The following LRRFIP1 variants were observed in gnomAD, a reference collection of about 807,000 sequenced individuals.
The protein encoded by LRRFIP1 is leucine-rich repeat flightless-interacting protein 1.
LRRFIP1 carries 62 observed loss-of-function variants against 104.4 expected under a neutral mutation model. That is an observed-to-expected ratio of 0.59 (90% CI 0.48 to 0.73). LRRFIP1 has a LOEUF of 0.73. LRRFIP1 is among the 30% of genes least tolerant of loss of function. The pLI is 0.00. For missense variants in LRRFIP1, 796 were observed against 824.5 expected, an observed-to-expected ratio of 0.97 and a Z score of 0.42; for synonymous variants, 300 against 299.0, an observed-to-expected ratio of 1.00 and a Z score of -0.03.
At chr2:237,720,605 G>T (rs948643138) in intron 5 of LRRFIP1, among the ~76,000 whole-genome samples, 167 bp from the exon 6 acceptor site, 1 of 152,208 alleles carries the variant, frequency 6.6e-6, no homozygotes, top group Non-Finnish European at 1.5e-5. Context: ...CAAAGCCCAT[G>T]CTGTGGAGGA....
At chr2:237,656,211 C>T (rs1447346536) in intron 1 of LRRFIP1, among the ~76,000 whole-genome samples, 1 of 152,076 alleles carries the variant, frequency 6.6e-6, no homozygotes, top group Non-Finnish European at 1.5e-5. Context: ...ATTGTCTAGG[C>T]AAATCAGTGC....
At chr2:237,704,319 A>C (rs2093698162) in intron 1 of LRRFIP1, among the ~76,000 whole-genome samples, 2 of 151,450 alleles carry the variant, frequency 1.3e-5, no homozygotes, top group Admixed American at 6.6e-5. Flanking sequence ...CGCCCAGCTA[A>C]TTTTTTGTAT....
chr2:237,701,330 G>A (rs1022054709), intron 1 of LRRFIP1, among the ~76,000 whole-genome samples: 2 of 152,228 alleles, frequency 1.3e-5, no homozygotes, highest in Non-Finnish European at 2.9e-5. Context: ...TGGAATTGGG[G>A]TTCAGGGTGT....
chr2:237,700,582 A>G (rs2093462060), intron 1 of LRRFIP1, among the ~76,000 whole-genome samples: 1 of 152,248 alleles, frequency 6.6e-6, no homozygotes, highest in Non-Finnish European at 1.5e-5. Flanking sequence ...TCCTGTTTGC[A>G]GAGTGCTTTA....
At chr2:237,727,343 G>A (rs1306558716) in intron 7 of LRRFIP1, among the ~76,000 whole-genome samples, 1 of 145,550 alleles carries the variant, frequency 6.9e-6, no homozygotes, top group South Asian at 2.2e-4. Flanking sequence ...GCGACAGAGC[G>A]AGACTCTGTC....
intron 14 of LRRFIP1, among the ~76,000 whole-genome samples, chr2:237,752,545 C>A (rs1331196912): frequency 5.9e-5 from 9 of 152,250 alleles, no homozygotes; most frequent in Non-Finnish European, 1.5e-5. Flanking sequence ...TCTGCTGCAC[C>A]TGAACTGGCA....
chr2:237,752,047 A>G (rs1576255209), intron 14 of LRRFIP1, among the ~76,000 whole-genome samples: 1 of 152,220 alleles, frequency 6.6e-6, no homozygotes, highest in Non-Finnish European at 1.5e-5. Flanking sequence ...CTAATTCACT[A>G]TCTTCATATC....
intron 1 of LRRFIP1, among the ~76,000 whole-genome samples, chr2:237,686,245 C>T (rs564326481): frequency 6.6e-6 from 1 of 152,256 alleles, no homozygotes; most frequent in East Asian, 1.9e-4. Context: ...AATAATCAAA[C>T]CCATCACCTT....
At chr2:237,700,836 G>A (rs988228445) in intron 1 of LRRFIP1, among the ~76,000 whole-genome samples, 63 of 152,184 alleles carry the variant, frequency 4.1e-4, no homozygotes, top group African/African-American at 1.4e-3. Flanking sequence ...TGGTTCACAT[G>A]CGGTGCTTTC....
intron 4 of LRRFIP1, among the ~76,000 whole-genome samples, chr2:237,718,118 C>G (rs2094409912): frequency 6.6e-6 from 1 of 152,236 alleles, no homozygotes; most frequent in Non-Finnish European, 1.5e-5. Flanking sequence ...TCTCCTCGAG[C>G]ACAGGGCTCT....
intron 1 of LRRFIP1, among the ~76,000 whole-genome samples, chr2:237,628,837 C>T (rs1033505219): frequency 6.6e-6 from 1 of 152,168 alleles, no homozygotes; most frequent in Non-Finnish European, 1.5e-5. Flanking sequence ...TTTGCTCTTA[C>T]GGACATGTGG....
At chr2:237,660,923 C>T (rs1466002474) in intron 1 of LRRFIP1, among the ~76,000 whole-genome samples, 1 of 152,140 alleles carries the variant, frequency 6.6e-6, no homozygotes, top group Admixed American at 6.5e-5. Context: ...CGTCGGGACA[C>T]CTGACCACCT....
At chr2:237,706,897 G>A (rs913676935) in intron 1 of LRRFIP1, among the ~76,000 whole-genome samples, 1 of 152,200 alleles carries the variant, frequency 6.6e-6, no homozygotes, top group Non-Finnish European at 1.5e-5. Context: ...CCAAAGTGCT[G>A]GGATTCCAGG....
At chr2:237,736,899 T>C (rs1274577050) in intron 10 of LRRFIP1, among the ~76,000 whole-genome samples, 1 of 152,146 alleles carries the variant, frequency 6.6e-6, no homozygotes, top group African/African-American at 2.4e-5. Context: ...GGATACTCCG[T>C]TCCTTATGTT....
At chr2:237,634,423 G>A (rs1292003231) in intron 1 of LRRFIP1, among the ~76,000 whole-genome samples, 1 of 152,156 alleles carries the variant, frequency 6.6e-6, no homozygotes, top group Admixed American at 6.5e-5. Flanking sequence ...TTAAGAATAT[G>A]GGTGCTAGAA....
intron 10 of LRRFIP1, among the ~76,000 whole-genome samples, chr2:237,737,131 G>A (rs563416203): frequency 1.1e-4 from 16 of 152,288 alleles, no homozygotes; most frequent in Non-Finnish European, 1.9e-4. Flanking sequence ...AATTGCCCCC[G>A]CGCAGCTCCT....
At chr2:237,745,127 G>A (rs187965122) in intron 11 of LRRFIP1, among the ~76,000 whole-genome samples, 191 of 152,340 alleles carry the variant, frequency 1.3e-3, no homozygotes, top group South Asian at 4.6e-3. Flanking sequence ...AGGGGGCTTG[G>A]TTAAGGTGGA....
chr2:237,633,326 G>A (rs1162647653), intron 1 of LRRFIP1, among the ~76,000 whole-genome samples: 2 of 152,236 alleles, frequency 1.3e-5, no homozygotes, highest in Admixed American at 6.5e-5. Context: ...TGGGCTGTTT[G>A]TGCGATTCCC....
chr2:237,774,062 G>A, intron 22 of LRRFIP1: 1 of 353,688 alleles, frequency 2.8e-6, no homozygotes, highest in South Asian at 3.2e-5. Context: ...CAACAGAACA[G>A]CCCCACGCAG....
Sources: gnomAD v4.1 joint callset for allele counts (sites outside exome capture counted in the v4.1 genomes callset) on GRCh38, gnomAD v4.1.1 for gene constraint, MANE v1.5 for transcripts, NCBI Gene and HGNC (gene_info 2026-07-23, HGNC 2026-07-21) for gene names.